The following PHTF2 variants were observed in gnomAD, a reference collection of about 807,000 sequenced individuals.
The protein encoded by PHTF2 is putative homeodomain transcription factor 2, also known as protein PHTF2.
A neutral mutation model predicts 101.2 loss-of-function variants in PHTF2; 60 were observed. That is an observed-to-expected ratio of 0.59 (90% CI 0.48 to 0.73). The LOEUF is 0.73. PHTF2 is among the 30% of genes least tolerant of loss of function. The pLI is 0.00. For missense variants in PHTF2, 747 were observed against 908.7 expected (o/e 0.82, Z 2.29); for synonymous variants, 311 against 307.3 (o/e 1.01, Z -0.13).
intron 3 of PHTF2, among the ~76,000 whole-genome samples, chr7:77,882,023 A>C (rs746429078): frequency 6.6e-6 from 1 of 152,198 alleles, no homozygotes; most frequent in Non-Finnish European, 1.5e-5. Flanking sequence ...GTGTTTTACT[A>C]TGTCATTAAC....
intron 1 of PHTF2, among the ~76,000 whole-genome samples, chr7:77,825,576 A>G (rs1794641148): frequency 6.6e-6 from 1 of 152,228 alleles, no homozygotes; most frequent in Non-Finnish European, 1.5e-5. Context: ...ACACCTCAGC[A>G]ATGCCTGTGC....
chr7:77,910,023 A>T (rs946572628), intron 8 of PHTF2: 1 of 396,560 alleles, frequency 2.5e-6, no homozygotes. Context: ...CTGTCCACTG[A>T]CCTGCCACTA....
chr7:77,823,125 C>T (rs1417841036), intron 1 of PHTF2, among the ~76,000 whole-genome samples: 1 of 151,974 alleles, frequency 6.6e-6, no homozygotes, highest in Admixed American at 6.6e-5. Flanking sequence ...AGGATGGTCT[C>T]AATCTCCTGA....
intron 1 of PHTF2, among the ~76,000 whole-genome samples, chr7:77,809,224 G>GTTTTTTGT (rs1414635728): frequency 6.7e-4 from 66 of 98,492 alleles, no homozygotes; most frequent in African/African-American, 2.9e-3. Context: ...CCAGTTCGTT[G>GTTTTTTGT]TTTTTTTTTT....
At chr7:77,810,815 G>C (rs1266775881) in intron 1 of PHTF2, among the ~76,000 whole-genome samples, 1 of 152,060 alleles carries the variant, frequency 6.6e-6, no homozygotes, top group Non-Finnish European at 1.5e-5. Flanking sequence ...TGGGATTAAA[G>C]GCATGAGCCA....
chr7:77,938,669 C>T (rs377060543), intron 13 of PHTF2, among the ~76,000 whole-genome samples: 3,360 of 151,944 alleles, frequency 0.022, 51 homozygotes, highest in Middle Eastern at 0.069. Context: ...CCCAGCTACT[C>T]GGGAGGCTGA....
chr7:77,857,421 G>A (rs1446777012), intron 3 of PHTF2, among the ~76,000 whole-genome samples: 4 of 152,142 alleles, frequency 2.6e-5, no homozygotes, highest in South Asian at 2.1e-4. Flanking sequence ...GCCATTATCC[G>A]CTAAGGAATT....
chr7:77,852,597 TC>T (rs1270725628), intron 2 of PHTF2, among the ~76,000 whole-genome samples: 1 of 152,240 alleles, frequency 6.6e-6, no homozygotes, highest in East Asian at 1.9e-4. Flanking sequence ...TTTTAGTCTT[TC>T]TACTCAATAT....
chr7:77,950,532 G>A (rs759460353), intron 17 of PHTF2, among the ~76,000 whole-genome samples: 4 of 152,082 alleles, frequency 2.6e-5, no homozygotes, highest in South Asian at 2.1e-4. Flanking sequence ...ATGGTGGTGC[G>A]TGCCTGTAAT....
intron 3 of PHTF2, among the ~76,000 whole-genome samples, chr7:77,861,887 G>A (rs545455346): frequency 9.9e-5 from 15 of 152,080 alleles, no homozygotes; most frequent in South Asian, 2.1e-4. Context: ...GAGAAACCCC[G>A]TCTCCACTAA....
intron 11 of PHTF2, among the ~76,000 whole-genome samples, chr7:77,927,178 A>AAATC (rs1804109258): frequency 6.6e-5 from 3 of 45,170 alleles, no homozygotes. Flanking sequence ...AAAAAAAAAA[A>AAATC]TATATATATA....
intron 1 of PHTF2, among the ~76,000 whole-genome samples, chr7:77,815,549 A>G (rs1353538699): frequency 1.3e-5 from 2 of 152,260 alleles, no homozygotes; most frequent in African/African-American, 4.8e-5. Flanking sequence ...AATAGCGGCC[A>G]TAGAGCCCCT....
chr7:77,894,106 C>A lies in PHTF2; in HGVS notation c.216+113C>A. 3.5e-6 allele frequency: 3 copies of A among 858,152 alleles called. No homozygotes were observed. In the South Asian group the frequency reaches 4.1e-5, roughly 12 times the overall value. The allele number at this position is 858,152 out of a possible 1,614,324, so 53.2% of individuals were successfully genotyped here. On this transcript the variant is annotated intron_variant, in intron 5 of 19. Transcript: ENST00000416283. ...AGATTGACTTGGACTCGAAAAGAGT[C>A]ACTGAAAAGTTGGTCATTTTAAAAA...
At chr7:77,936,843 A>C (rs1006540236) in intron 12 of PHTF2, among the ~76,000 whole-genome samples, 8 of 151,242 alleles carry the variant, frequency 5.3e-5, no homozygotes, top group African/African-American at 1.7e-4. Flanking sequence ...GCCATCATTA[A>C]CTCAACTGTT....
At chr7:77,917,624 A>G (rs1422594157) in intron 9 of PHTF2, among the ~76,000 whole-genome samples, 1 of 152,142 alleles carries the variant, frequency 6.6e-6, no homozygotes, top group African/African-American at 2.4e-5. Context: ...ATGTTTACTT[A>G]TTCCATTAGT....
At chr7:77,904,942 G>C (rs1218187626) in intron 7 of PHTF2, among the ~76,000 whole-genome samples, 4 of 152,168 alleles carry the variant, frequency 2.6e-5, no homozygotes, top group African/African-American at 7.2e-5. Context: ...GGATGGCTTT[G>C]AATGTGGCCC....
intron 2 of PHTF2, among the ~76,000 whole-genome samples, chr7:77,853,129 T>G (rs1796898727): frequency 6.6e-6 from 1 of 152,212 alleles, no homozygotes; most frequent in Non-Finnish European, 1.5e-5. Flanking sequence ...TCTCTAGATT[T>G]GTTATTATCT....
chr7:77,798,916 G>T (rs1460278298), exon 1 of PHTF2: 1 of 152,674 alleles, frequency 6.5e-6, no homozygotes, highest in African/African-American at 2.4e-5. Flanking sequence ...CGCTAGCTTC[G>T]GAGTCTCCCG....
At chr7:77,919,603 A>G (rs1803254598) in intron 9 of PHTF2, among the ~76,000 whole-genome samples, 1 of 151,944 alleles carries the variant, frequency 6.6e-6, no homozygotes, top group Non-Finnish European at 1.5e-5. Flanking sequence ...CCCATGTTGT[A>G]TTTTATGTGT....
Sources: gnomAD v4.1 joint callset for allele counts (sites outside exome capture counted in the v4.1 genomes callset) on GRCh38, gnomAD v4.1.1 for gene constraint, MANE v1.5 for transcripts, NCBI Gene and HGNC (gene_info 2026-07-23, HGNC 2026-07-21) for gene names.